The following MDN1 variants were observed in gnomAD, a reference collection of about 807,000 sequenced individuals.
The protein encoded by MDN1 is midasin.
In MDN1, 266 loss-of-function variants were observed where a neutral mutation model predicts 669.2. That is an observed-to-expected ratio of 0.40 (90% CI 0.36 to 0.44). The LOEUF is 0.44. Ranked by LOEUF, MDN1 falls within the 20% of genes least tolerant of loss-of-function variation. The pLI, the probability that MDN1 is intolerant of heterozygous loss-of-function variation, is 1.00. For missense variants in MDN1, 5,940 were observed against 6,754.0 expected (o/e 0.88, Z 4.22); for synonymous variants, 2,385 against 2,457.1 (o/e 0.97, Z 0.87).
chr6:89,712,300 T>A, intron 48 of MDN1, 44 bp from the exon 49 acceptor site: 8 of 1,490,904 alleles, frequency 5.4e-6, no homozygotes, highest in Non-Finnish European at 6.5e-6. Flanking sequence ...AGAATAACCT[T>A]TTATTTCACA....
At chr6:89,738,849 C>T (rs1396520837) in intron 32 of MDN1, among the ~76,000 whole-genome samples, 1 of 152,118 alleles carries the variant, frequency 6.6e-6, no homozygotes, top group Admixed American at 6.5e-5. Context: ...CAGAGAAGGG[C>T]AGTCTGATGT....
In MDN1 at chr6:89,692,555, C is replaced by T. The variant is rs779828819; in HGVS notation, c.10475G>A (p.Cys3492Tyr). 3.1e-6 allele frequency: 5 copies of T among 1,614,148 alleles called. No homozygotes were observed. Among genetic ancestry groups the T allele is most frequent in the South Asian group, 1.1e-5 (1 of 91,092 alleles). Residue 3492 changes from cysteine to tyrosine, a missense_variant, in exon 63 of 102, where the codon TGT becomes TAT. This residue lies in a region of MDN1 where 2,280 missense variants were observed against 2,576.3 expected (regional missense o/e 0.88). Transcript: ENST00000369393. Reference protein sequence around the residue: ...KELEGKGQKACPTREQLLMNA... With the variant: ...KELEGKGQKAYPTREQLLMNA... The stretch of plus-strand genomic sequence containing the variant: ...CATCAGCAGCTGCTCCCGAGTGGGA[C>T]AGGCTTTCTGGCCCTTGCCTTCCAG...
chr6:89,663,744 C>T (rs1309779476), intron 85 of MDN1, among the ~76,000 whole-genome samples: 1 of 151,614 alleles, frequency 6.6e-6, no homozygotes, highest in Non-Finnish European at 1.5e-5. Flanking sequence ...ACCATCCTGG[C>T]TAACATGGTG....
intron 11 of MDN1, among the ~76,000 whole-genome samples, chr6:89,776,951 C>T (rs1818387163): frequency 6.6e-6 from 1 of 152,134 alleles, no homozygotes; most frequent in African/African-American, 2.4e-5. Flanking sequence ...CAAAACACCC[C>T]ACTTTGCAAA....
Position 89,664,486 on chromosome 6 carries a change from C to G in MDN1, c.14236+1G>C. The G allele has an allele frequency of 6.2e-7, 1 of 1,613,448 alleles. No homozygotes were observed. On this transcript the variant is annotated splice_donor_variant, in intron 85 of 101. Coordinates refer to ENST00000369393, the MANE Select transcript of MDN1 (RefSeq NM_014611.3). LOFTEE classifies it high-confidence loss of function. ...GAATGAAGTGACAGATAATCTGAAA[C>G]CTTGTTCTTCAAGCTCCCCATCATG...
chr6:89,749,464 A>G, intron 25 of MDN1, 79 bp downstream of exon 25: 5 of 1,595,046 alleles, frequency 3.1e-6, no homozygotes, highest in Non-Finnish European at 4.3e-6. Context: ...AGGAGAAGTA[A>G]AAACATTTCA....
chr6:89,667,197 T>C (rs562578424), intron 84 of MDN1, among the ~76,000 whole-genome samples: 2 of 151,826 alleles, frequency 1.3e-5, no homozygotes, highest in South Asian at 4.2e-4. Context: ...TTTTTTCTAC[T>C]AGAAAAGTAG....
At position 89,794,126 on chromosome 6, in the gene MDN1, A is replaced by G; in HGVS notation, c.636T>C (p.Ser212=). The G allele has an allele frequency of 6.3e-7, 1 of 1,596,388 alleles. No homozygotes were observed. The highest frequency in any genetic ancestry group is 8.5e-7 in the Non-Finnish European group (1 of 1,172,648). ...TCAACCTGAAATGGATCAATTCATC[A>G]CTATTAAATATCTTCTTAAGAAATG... ...KLSFLKKIFN[S]DELIHFRLRL... Residue 212 remains serine (S), a synonymous_variant, in exon 4 of 102, where the codon AGT becomes AGC. Coordinates refer to ENST00000369393, the MANE Select transcript of MDN1 (RefSeq NM_014611.3).
chr6:89,728,651 T>C (rs1276978518), intron 36 of MDN1, among the ~76,000 whole-genome samples: 2 of 152,086 alleles, frequency 1.3e-5, no homozygotes, highest in Admixed American at 1.3e-4. Flanking sequence ...GCCAACATGG[T>C]GAAACCCTGT....
intron 37 of MDN1, among the ~76,000 whole-genome samples, chr6:89,725,710 A>G (rs1025961474): frequency 2.7e-5 from 4 of 148,968 alleles, no homozygotes; most frequent in Non-Finnish European, 5.9e-5. Context: ...AGCTGTGACC[A>G]CAGGTGTGCA....
chr6:89,681,054 T>C (rs966584727), intron 73 of MDN1, among the ~76,000 whole-genome samples: 4 of 152,220 alleles, frequency 2.6e-5, no homozygotes, highest in African/African-American at 9.6e-5. Context: ...ATAATATCAC[T>C]GCTGCCCTTA....
chr6:89,700,076 C>G lies in MDN1; in HGVS notation c.8857G>C (p.Ala2953Pro). Residue 2953 changes from alanine to proline, a missense_variant, in exon 57 of 102, where the codon GCT becomes CCT. Transcript: ENST00000369393. ...YKVTADFMAQACLRRCSKNQQ... is the reference protein window; with the variant it reads ...YKVTADFMAQPCLRRCSKNQQ... ...AGCATGGTTTACCTTCTGAGACAAGCTTGTGCCATAAAATCAGCTGTCACT... is the reference window on the plus strand; with the variant it reads ...AGCATGGTTTACCTTCTGAGACAAGGTTGTGCCATAAAATCAGCTGTCACT... 6.2e-7 allele frequency: 1 copy of G among 1,614,072 alleles called. No homozygotes were observed. Among genetic ancestry groups the G allele is most frequent in the Non-Finnish European group, 8.5e-7 (1 of 1,179,948 alleles).
At chr6:89,723,970 C>T (rs1815019303) in intron 38 of MDN1, among the ~76,000 whole-genome samples, 1 of 152,084 alleles carries the variant, frequency 6.6e-6, no homozygotes, top group African/African-American at 2.4e-5. Context: ...TGACGAAACC[C>T]TGTCTTCACT....
In MDN1 at chr6:89,745,391, A is replaced by G. The variant is rs1372043224; in HGVS notation, c.4060T>C (p.Ser1354Pro). ...TGGCCAAAGTTACACTCCAATGTGG[A>G]TATCTGAGTAGACAATTTACCTATC... ...KLLGKLSTQI[S>P]TLECNFGHIV... Residue 1354 changes from serine to proline, a missense_variant, in exon 29 of 102, where the codon TCC (serine) becomes CCC (proline). By Grantham distance (74) the Ser-to-Pro change is moderately conservative. Around this residue, in one of 5 missense-constraint regions of MDN1, gnomAD observed 2,292 missense variants for 2,638.3 expected, o/e 0.87. Transcript: ENST00000369393. 4 of 1,614,114 alleles carry G rather than the reference A, an allele frequency of 2.5e-6. No individual in the cohort carries two copies. Among genetic ancestry groups the G allele is most frequent in the East Asian group, 2.2e-5 (1 of 44,882 alleles).
intron 84 of MDN1, among the ~76,000 whole-genome samples, chr6:89,666,428 CTAATTTTTGTATTTT>C (rs1810238394): frequency 6.6e-6 from 1 of 152,176 alleles, no homozygotes; most frequent in African/African-American, 2.4e-5. Context: ...CCACACCCAG[CTAATTTTTGTATTTT>C]TAGTAGAGAT....
At chr6:89,691,457 T>C (rs1271519029) in intron 63 of MDN1, among the ~76,000 whole-genome samples, 2 of 152,216 alleles carry the variant, frequency 1.3e-5, no homozygotes, top group Non-Finnish European at 2.9e-5. Context: ...TGTTTAATCT[T>C]TGTCCCAGCA....
At chr6:89,763,934 G>A (rs1266239316) in intron 15 of MDN1, among the ~76,000 whole-genome samples, 1 of 152,188 alleles carries the variant, frequency 6.6e-6, no homozygotes, top group Non-Finnish European at 1.5e-5. Flanking sequence ...ATGTACTGAG[G>A]CCAGGCACAG....
At chr6:89,752,145 A>C (rs1337250910) in intron 22 of MDN1, among the ~76,000 whole-genome samples, 1 of 152,196 alleles carries the variant, frequency 6.6e-6, no homozygotes, top group Non-Finnish European at 1.5e-5. Context: ...TGGTGGTCAA[A>C]TCTATAACTA....
intron 23 of MDN1, among the ~76,000 whole-genome samples, chr6:89,750,968 GC>G (rs1481997137): frequency 3.5e-5 from 4 of 114,924 alleles, no homozygotes; most frequent in Non-Finnish European, 5.2e-5. Context: ...CATTAAAAGA[GC>G]ATTTTTTTTT....
Sources: allele counts gnomAD v4.1 joint callset (sites outside exome capture counted in the v4.1 genomes callset), GRCh38; gene constraint gnomAD v4.1.1; regional missense constraint gnomAD v4.1.1; transcripts MANE v1.5; gene names NCBI Gene and HGNC (gene_info 2026-07-23, HGNC 2026-07-21).